Variants in MECR observed in about 807,000 individuals in gnomAD.
MECR encodes the protein enoyl-[acyl-carrier-protein] reductase, mitochondrial.
A neutral mutation model predicts 49.1 loss-of-function variants in MECR; 37 were observed. The observed-to-expected ratio is 0.75, with a 90% CI of 0.58 to 0.99. The LOEUF (loss-of-function observed/expected upper bound fraction) is 0.99. MECR is among the 50% of genes least tolerant of loss of function. MECR has a pLI of 0.00. For missense variants in MECR, 470 were observed against 479.6 expected (o/e 0.98, Z 0.19); for synonymous variants, 198 against 191.1 (o/e 1.04, Z -0.30).
chr1:29,216,802 G>A (rs1679513631), intron 1 of MECR, 117 bp from the exon 2 acceptor site: 1 of 1,562,502 alleles, frequency 6.4e-7, no homozygotes, highest in South Asian at 1.2e-5. Flanking sequence ...GTGTGCCCAG[G>A]AATTACGGTT....
At chr1:29,215,486 G>T (rs543947593) in intron 3 of MECR, among the ~76,000 whole-genome samples, 2 of 152,184 alleles carry the variant, frequency 1.3e-5, no homozygotes, top group East Asian at 3.9e-4. Flanking sequence ...GCTGAGGCAG[G>T]AGAATCGCTT....
chr1:29,173,145 T>A, the MECR span: 1 of 138,568 alleles, frequency 7.2e-6, no homozygotes, highest in African/African-American at 2.7e-5. Flanking sequence ...TTTTTTTTTT[T>A]TTTTTTTTTT....
downstream of MECR, among the ~76,000 whole-genome samples, chr1:29,188,142 T>G (rs1015873270): frequency 1.5e-4 from 23 of 150,138 alleles, no homozygotes; most frequent in Admixed American, 1.5e-3. Flanking sequence ...CTCGAACTCC[T>G]GGAGAGACCA....
At chr1:29,184,891 G>A in the MECR span, among the ~76,000 whole-genome samples, 12 of 152,180 alleles carry the variant, frequency 7.9e-5, no homozygotes, top group African/African-American at 2.9e-4. Context: ...TTGGGAGGCC[G>A]AGGTGGGTGG....
At chr1:29,198,476 T>C (rs935298870) in intron 7 of MECR, among the ~76,000 whole-genome samples, 1 of 152,224 alleles carries the variant, frequency 6.6e-6, no homozygotes, top group Non-Finnish European at 1.5e-5. Context: ...CCCCCTGCAA[T>C]GACATTGGGA....
chr1:29,184,078 C>T, the MECR span, among the ~76,000 whole-genome samples: 1 of 149,248 alleles, frequency 6.7e-6, no homozygotes, highest in African/African-American at 2.5e-5. Flanking sequence ...AGGGGTTTCA[C>T]TATGTTGGCC....
At chr1:29,174,617 GA>G in the MECR span, among the ~76,000 whole-genome samples, 123 of 139,282 alleles carry the variant, frequency 8.8e-4, 1 homozygote, top group East Asian at 4.7e-3. Flanking sequence ...TCCAAGTTTG[GA>G]AAAAAAAAAG....
chr1:29,173,130 C>CTTTTTTTTTT, the MECR span: 5 of 78,556 alleles, frequency 6.4e-5, no homozygotes, highest in Non-Finnish European at 9.1e-5. Context: ...GTCAAAAAGG[C>CTTTTTTTTTT]TTTTTTTTTT....
At position 29,216,143 on chromosome 1, in the gene MECR, G is replaced by A. The variant is rs34620411; in HGVS notation, c.275-7C>T. 28,975 of 1,613,010 alleles carry A rather than the reference G, an allele frequency of 0.018. 348 individuals carry two copies. The highest frequency in any genetic ancestry group is 0.052 in the Middle Eastern group (313 of 6,048). On this transcript the variant is annotated splice_polypyrimidine_tract_variant and splice_region_variant and intron_variant, in intron 2 of 9. Transcript: ENST00000263702. ...GGAAGGAATCCGTAGTTTCCTGAGG[G>A]AGAAGAGCATTAAAGGGTCAACCAG...
chr1:29,214,015 C>T (rs578233018), intron 3 of MECR, among the ~76,000 whole-genome samples: 82 of 151,572 alleles, frequency 5.4e-4, no homozygotes, highest in African/African-American at 1.7e-3. Flanking sequence ...TAGCTGAACC[C>T]GAAGCTTTCA....
At chr1:29,170,336 CTACT>C in the MECR span, 12 of 152,110 alleles carry the variant, frequency 7.9e-5, no homozygotes, top group African/African-American at 1.2e-4. Flanking sequence ...TCTGTTATTC[CTACT>C]TAAAGAAATA....
At chr1:29,179,182 C>A in the MECR span, among the ~76,000 whole-genome samples, 1 of 152,114 alleles carries the variant, frequency 6.6e-6, no homozygotes, top group South Asian at 2.1e-4. Flanking sequence ...AGTGTAAAAT[C>A]TAATAGTCGT....
At chr1:29,191,296 C>T (rs138501224), downstream of MECR, among the ~76,000 whole-genome samples, 93 of 152,230 alleles carry the variant, frequency 6.1e-4, no homozygotes, top group East Asian at 0.016. Context: ...TATGGATTCC[C>T]CTTGAAGAAT....
At chr1:29,181,829 C>A in the MECR span, 3 of 1,267,288 alleles carry the variant, frequency 2.4e-6, no homozygotes. Flanking sequence ...AGCACGGCGG[C>A]AGCGGCGGCG....
At chr1:29,181,637 C>T in the MECR span, 3 of 1,580,294 alleles carry the variant, frequency 1.9e-6, no homozygotes, top group Non-Finnish European at 1.7e-6. Context: ...CCTCTTTCGC[C>T]CTCCTCACCC....
the MECR span, among the ~76,000 whole-genome samples, chr1:29,174,950 G>A: frequency 1.3e-5 from 2 of 150,198 alleles, no homozygotes; most frequent in Non-Finnish European, 3.0e-5. Flanking sequence ...GGGATTATAG[G>A]CGTGAGCCAC....
the MECR span, among the ~76,000 whole-genome samples, chr1:29,178,736 A>G: frequency 2.6e-5 from 4 of 152,224 alleles, no homozygotes; most frequent in South Asian, 6.2e-4. Context: ...CTAGGGGACT[A>G]TAAGCTTACA....
chr1:29,198,697 A>G (rs1262463113), intron 7 of MECR, among the ~76,000 whole-genome samples: 2 of 151,946 alleles, frequency 1.3e-5, no homozygotes, highest in African/African-American at 4.8e-5. Context: ...GCTCACTGCA[A>G]CCTCTACCTC....
chr1:29,188,385 G>A (rs551892909), downstream of MECR, among the ~76,000 whole-genome samples: 1 of 151,788 alleles, frequency 6.6e-6, no homozygotes, highest in African/African-American at 2.4e-5. Context: ...AATTAATTTA[G>A]TAGAGACAGG....
Sources: gnomAD v4.1 joint callset for allele counts (sites outside exome capture counted in the v4.1 genomes callset) on GRCh38, gnomAD v4.1.1 for gene constraint, MANE v1.5 for transcripts, NCBI Gene and HGNC (gene_info 2026-07-23, HGNC 2026-07-21) for gene names.